Variants in PLAAT4 observed in about 807,000 individuals in gnomAD.
PLAAT4 encodes HRAS-like suppressor 4.
Under a neutral mutation model 14.1 loss-of-function variants are expected in PLAAT4, and 12 were observed. The ratio of observed to expected loss-of-function variants is 0.85; its 90% CI spans 0.54 to 1.37. PLAAT4 has a LOEUF of 1.37. Among genes scored for constraint, PLAAT4 ranks in the 40% most tolerant of loss-of-function variants. The pLI, the probability that PLAAT4 is intolerant of heterozygous loss-of-function variation, is 0.00. For missense variants in PLAAT4, 163 were observed against 211.7 expected (o/e 0.77, Z 1.43); for synonymous variants, 77 against 79.8 (o/e 0.96, Z 0.19).
intron 3 of PLAAT4, chr11:63,545,437 T>G (rs946455783): frequency 2.2e-5 from 4 of 179,120 alleles, no homozygotes; most frequent in African/African-American, 9.4e-5. Flanking sequence ...CTGCCTGTGA[T>G]GCCTACTCAG....
intron 2 of PLAAT4, 23 bp from the exon 3 acceptor site, chr11:63,544,598 A>G: frequency 1.9e-6 from 3 of 1,600,828 alleles, no homozygotes; most frequent in Non-Finnish European, 2.6e-6. Flanking sequence ...TTCCCCTGCC[A>G]GTGAGAGTGC....
Position 63,544,676 on chromosome 11 carries a change from A to C in PLAAT4, c.174A>C (p.Ala58=), listed in dbSNP as rs1480159517. ...SSVFSVLSNS[A]EVKRERLEDV... ...TCTTCTCAGTCCTGAGCAACAGTGC[A>C]GAGGTGAAACGGGAGCGCCTGGAAG... The change falls in exon 3 of 4, where the codon GCA becomes GCC. Residue 58 remains alanine, a synonymous_variant. Transcript: ENST00000255688. 6.2e-7 allele frequency: 1 copy of C among 1,614,028 alleles called. No individual in the cohort carries two copies. Among genetic ancestry groups the C allele is most frequent in the African/African-American group, 1.3e-5 (1 of 74,916 alleles).
chr11:63,536,954 C>A, intron 1 of PLAAT4, 77 bp downstream of exon 1: 3 of 1,529,042 alleles, frequency 2.0e-6, no homozygotes, highest in East Asian at 2.4e-5. Context: ...TCAGTCCAGG[C>A]TCCTGGCCTT....
intron 1 of PLAAT4, 99 bp downstream of exon 1, chr11:63,536,976 T>C (rs2017275504): frequency 1.4e-6 from 2 of 1,390,432 alleles, no homozygotes; most frequent in South Asian, 1.3e-5. Context: ...GGCACACAGC[T>C]CCAGAGCTCG....
At position 63,546,074 on chromosome 11, in the gene PLAAT4, T is replaced by C. The variant is rs892290057; in HGVS notation, c.388-75T>C. ...AGGAGAGAGGGGAGAGGGAGAGGAG[T>C]TCCAGGCCCTTGGGAGGGAGAAAGT... On this transcript the variant is annotated intron_variant, in intron 3 of 3. Coordinates refer to ENST00000255688, the MANE Select transcript of PLAAT4 (RefSeq NM_004585.5). The C allele has an allele frequency of 4.2e-6, 5 of 1,189,086 alleles. No homozygotes were observed. The African/African-American group carries it at 7.7e-5, about 18-fold the overall frequency. The allele number at this position is 1,189,086 out of a possible 1,614,324, so 73.7% of individuals were successfully genotyped here.
chr11:63,543,481 T>A (rs975637902), intron 2 of PLAAT4, among the ~76,000 whole-genome samples: 1 of 152,234 alleles, frequency 6.6e-6, no homozygotes, highest in African/African-American at 2.4e-5. Flanking sequence ...AATTTTTGTA[T>A]TTTTTGTAGA....
chr11:63,543,284 C>A (rs1464772183), intron 2 of PLAAT4, among the ~76,000 whole-genome samples: 1 of 152,172 alleles, frequency 6.6e-6, no homozygotes, highest in Admixed American at 6.5e-5. Flanking sequence ...GCCTGAGCTC[C>A]GCCTCTTGTC....
chr11:63,538,278 G>A (rs936945958), intron 1 of PLAAT4: 44 of 301,130 alleles, frequency 1.5e-4, no homozygotes, highest in Admixed American at 1.2e-3. Context: ...GTCAGAGGAC[G>A]GTCATGGCCA....
chr11:63,539,373 G>A, intron 1 of PLAAT4, 143 bp from the exon 2 acceptor site: 1 of 698,356 alleles, frequency 1.4e-6, no homozygotes, highest in Non-Finnish European at 2.6e-6. Context: ...CTCTGAAAGT[G>A]ACAGCAGGGC....
chr11:63,545,153 C>A, intron 3 of PLAAT4: 1 of 598,854 alleles, frequency 1.7e-6, no homozygotes, highest in Non-Finnish European at 3.0e-6. Flanking sequence ...TAAAACCTAT[C>A]CTGAAAATGG....
chr11:63,540,168 A>G (rs773497469), intron 2 of PLAAT4, among the ~76,000 whole-genome samples: 8 of 152,224 alleles, frequency 5.3e-5, no homozygotes, highest in Admixed American at 3.9e-4. Flanking sequence ...CTGCTTCAGC[A>G]TTGGGATCTC....
intron 1 of PLAAT4, 50 bp from the exon 2 acceptor site, chr11:63,539,466 T>C: frequency 6.7e-7 from 1 of 1,487,740 alleles, no homozygotes; most frequent in East Asian, 2.3e-5. Flanking sequence ...CCAGGGTCTC[T>C]GCTGTTGCCT....
At chr11:63,541,442 G>T (rs778272395) in intron 2 of PLAAT4, among the ~76,000 whole-genome samples, 46 of 151,864 alleles carry the variant, frequency 3.0e-4, no homozygotes, top group Non-Finnish European at 5.3e-4. Context: ...CACCAGCCTC[G>T]GCCTCCCAAA....
rs1351958521 is a variant in PLAAT4 at position 63,544,847 on chromosome 11, C to T, written c.345C>T (p.His115=). 1 of 1,614,216 alleles carries T rather than the reference C, an allele frequency of 6.2e-7. No individual in the cohort carries two copies. The highest frequency in any genetic ancestry group is 1.7e-5 in the Admixed American group (1 of 60,020). The part of the protein sequence containing the change: ...KYSIVSRNCE[H]FVTQLRYGKS... ...GTATTGTGAGCAGGAACTGTGAGCA[C>T]TTTGTCACCCAGCTGAGATATGGCA... Residue 115 remains histidine (H), a synonymous_variant, in exon 3 of 4, where the codon CAC becomes CAT. Coordinates refer to ENST00000255688, the MANE Select transcript of PLAAT4 (RefSeq NM_004585.5).
chr11:63,546,177 T>C lies in PLAAT4; in HGVS notation c.416T>C (p.Val139Ala). Reference protein sequence around the residue: ...QVEKAKVEVGVATALGILVVA... With the variant: ...QVEKAKVEVGAATALGILVVA... ...GAAAAGGCCAAGGTTGAAGTCGGTG[T>C]GGCCACGGCGCTTGGAATCCTGGTT... Residue 139 changes from valine to alanine, a missense_variant, in exon 4 of 4, where the codon GTG becomes GCG. By Grantham distance (64) the Val-to-Ala change is moderately conservative. Transcript: ENST00000255688. 6.2e-7 allele frequency: 1 copy of C among 1,609,396 alleles called. No individual in the cohort carries two copies. The highest frequency in any genetic ancestry group is 1.3e-5 in the African/African-American group (1 of 74,814).
At position 63,543,770 on chromosome 11, in the gene PLAAT4, G is replaced by C. The variant is rs146950046; in HGVS notation, c.119-851G>C. On this transcript the variant is annotated intron_variant, in intron 2 of 3. Coordinates refer to ENST00000255688, the MANE Select transcript of PLAAT4 (RefSeq NM_004585.5). ...TATATAATGGAATTGGGGCTCCATT[G>C]GTTGACAGCTCTTCTGTGTTCCTCT... 8.0e-3 allele frequency among the ~76,000 whole-genome samples: 1,215 copies of C among 152,300 alleles called. 4 individuals carry two copies. Among genetic ancestry groups the C allele is most frequent in the Non-Finnish European group, 0.012 (833 of 68,024 alleles).
At chr11:63,541,849 A>G (rs2017324471) in intron 2 of PLAAT4, among the ~76,000 whole-genome samples, 1 of 152,196 alleles carries the variant, frequency 6.6e-6, no homozygotes, top group South Asian at 2.1e-4. Context: ...AATTATGTAC[A>G]AAATTACAAT....
At position 63,539,643 on chromosome 11, in the gene PLAAT4, A is replaced by T; in HGVS notation, c.118+19A>T. The T allele has an allele frequency of 1.3e-6, 2 of 1,555,964 alleles. No individual in the cohort carries two copies. Among genetic ancestry groups the T allele is most frequent in the African/African-American group, 2.7e-5 (2 of 73,420 alleles). On this transcript the variant is annotated intron_variant, in intron 2 of 3. Coordinates refer to ENST00000255688, the MANE Select transcript of PLAAT4 (RefSeq NM_004585.5). ...CCTCCAAGTAAGGACTGATGAATATATAATTTTCAAAATATTTGTTAAAAG... is the reference window on the plus strand; with the variant it reads ...CCTCCAAGTAAGGACTGATGAATATTTAATTTTCAAAATATTTGTTAAAAG...
chr11:63,542,582 A>G (rs1402486855), intron 2 of PLAAT4, among the ~76,000 whole-genome samples: 1 of 152,076 alleles, frequency 6.6e-6, no homozygotes, highest in Non-Finnish European at 1.5e-5. Flanking sequence ...TGCTTCTCAA[A>G]TATCTGGATT....
Sources: gnomAD v4.1 joint callset for allele counts (sites outside exome capture counted in the v4.1 genomes callset) on GRCh38, gnomAD v4.1.1 for gene constraint, MANE v1.5 for transcripts, NCBI Gene and HGNC (gene_info 2026-07-23, HGNC 2026-07-21) for gene names.